The following HSPA9 variants were observed in gnomAD, a reference collection of about 807,000 sequenced individuals.
HSPA9 encodes stress-70 protein, mitochondrial.
A neutral mutation model predicts 81.5 loss-of-function variants in HSPA9; 28 were observed. That is an observed-to-expected ratio of 0.34 (90% confidence interval 0.25 to 0.47). The LOEUF is 0.47. HSPA9 is among the 20% of genes least tolerant of loss of function. HSPA9 has a pLI of 1.00. For missense variants in HSPA9, 678 were observed against 838.0 expected (o/e 0.81, Z 2.36); for synonymous variants, 293 against 290.4 (o/e 1.01, Z -0.09).
chr5:138,559,140 C>T (rs1258028564), intron 11 of HSPA9: 2 of 204,630 alleles, frequency 9.8e-6, no homozygotes. Flanking sequence ...TCACTTCATA[C>T]TGTCGCCCAG....
chr5:138,555,973 C>A lies in HSPA9; in HGVS notation c.*64G>T. On this transcript the variant is annotated 3_prime_UTR_variant, in exon 17 of 17. Coordinates refer to ENST00000297185, the MANE Select transcript of HSPA9 (RefSeq NM_004134.7). ...AGACTGAAGTTCGCCCATTTCTGCT[C>A]AGGAAGTCTCTTCACTCCTAAGCTT... 1 of 1,157,026 alleles carries A rather than the reference C, an allele frequency of 8.6e-7. No homozygotes were observed. The highest frequency in any genetic ancestry group is 1.2e-5 in the South Asian group (1 of 82,008). The allele number at this position is 1,157,026 out of a possible 1,614,324, so 71.7% of individuals were successfully genotyped here. A position where few individuals can be genotyped will look rare whatever the true frequency, so the allele number is the denominator to read the frequency against.
chr5:138,564,057 G>T (rs1750710745), intron 9 of HSPA9, among the ~76,000 whole-genome samples: 1 of 152,044 alleles, frequency 6.6e-6, no homozygotes, highest in Non-Finnish European at 1.5e-5. Context: ...TTGTTATGCT[G>T]AACACCTCTC....
intron 4 of HSPA9, among the ~76,000 whole-genome samples, chr5:138,570,480 A>G (rs552526338): frequency 1.3e-5 from 2 of 152,296 alleles, no homozygotes; most frequent in Admixed American, 6.5e-5. Context: ...CCTAATCTGT[A>G]AAGACAAAAA....
At chr5:138,572,811 A>G (rs1356267819) in intron 3 of HSPA9, among the ~76,000 whole-genome samples, 1 of 152,170 alleles carries the variant, frequency 6.6e-6, no homozygotes, top group Non-Finnish European at 1.5e-5. Context: ...CAACCCCCCA[A>G]AAAACTTAGA....
intron 7 of HSPA9, 104 bp from the exon 8 acceptor site, chr5:138,567,267 T>C: frequency 9.2e-7 from 1 of 1,085,470 alleles, no homozygotes; most frequent in South Asian, 1.4e-5. Context: ...CTAAGCTATT[T>C]CCCTGAGATA....
chr5:138,570,841 GA>G, intron 4 of HSPA9, 118 bp downstream of exon 4: 2 of 940,290 alleles, frequency 2.1e-6, no homozygotes, highest in Non-Finnish European at 3.5e-6. Flanking sequence ...TTCCCCTAGG[GA>G]CAATAAGTAA....
intron 3 of HSPA9, 131 bp downstream of exon 3, chr5:138,573,632 G>C: frequency 1.7e-6 from 1 of 587,396 alleles, no homozygotes. Context: ...GGGCTATAGA[G>C]ACTGTCTCCA....
chr5:138,571,120 C>T lies in HSPA9; in HGVS notation c.250G>A (p.Ala84Thr). ...QAKVLENAEGARTTPSVVAFT... is the reference protein window; with the variant it reads ...QAKVLENAEGTRTTPSVVAFT... ...GCCACAACTGAAGGGGTGGTTCTGG[C>T]ACCTTCGGCATTCTCCAGCACCTAA... Residue 84 changes from alanine (A) to threonine (T), a missense_variant, in exon 4 of 17, where the codon GCC (alanine) becomes ACC (threonine). Physicochemically the swap from Ala to Thr is moderately conservative, Grantham distance 58 (BLOSUM62 0). Coordinates refer to ENST00000297185, the MANE Select transcript of HSPA9 (RefSeq NM_004134.7). The T allele has an allele frequency of 6.2e-7, 1 of 1,613,902 alleles. No homozygotes were observed. Among genetic ancestry groups the T allele is most frequent in the Non-Finnish European group, 8.5e-7 (1 of 1,179,996 alleles).
In HSPA9 at chr5:138,556,866, C is replaced by T. The variant is rs905439101; in HGVS notation, c.1729G>A (p.Glu577Lys). The T allele has an allele frequency of 3.1e-6, 5 of 1,610,678 alleles. No individual in the cohort carries two copies. The highest frequency in any genetic ancestry group is 2.7e-5 in the African/African-American group (2 of 74,824). Residue 577 changes from glutamate (E) to lysine (K), a missense_variant and splice_region_variant, in exon 15 of 17, where the codon GAA becomes AAA. Glu to Lys is a moderately conservative substitution (Grantham distance 56). Coordinates refer to ENST00000297185, the MANE Select transcript of HSPA9 (RefSeq NM_004134.7). ...KYAEEDRRKK[E>K]RVEAVNMAEG... ...GCCATATTAACTGCTTCAACTCGTT[C>T]CTTAGAGAAATTAGAAGTTTAAACG...
At chr5:138,568,115 G>A (rs1039609841) in intron 5 of HSPA9, among the ~76,000 whole-genome samples, 11 of 151,658 alleles carry the variant, frequency 7.3e-5, no homozygotes, top group African/African-American at 2.4e-4. Flanking sequence ...AACCTGGGAG[G>A]CGGAGGTTGC....
intron 5 of HSPA9, 50 bp from the exon 6 acceptor site, chr5:138,567,772 T>C (rs1474068730): frequency 7.5e-6 from 10 of 1,333,402 alleles, no homozygotes; most frequent in Non-Finnish European, 1.1e-5. Context: ...ACAGAATTAT[T>C]AATATAGCCC....
At chr5:138,572,294 TAG>T (rs1038104360) in intron 3 of HSPA9, among the ~76,000 whole-genome samples, 1 of 150,712 alleles carries the variant, frequency 6.6e-6, no homozygotes, top group Non-Finnish European at 1.5e-5. Context: ...TGAACCTTTG[TAG>T]TGCTGATAAT....
intron 3 of HSPA9, 148 bp from the exon 4 acceptor site, chr5:138,571,289 T>C: frequency 1.3e-6 from 1 of 794,186 alleles, no homozygotes; most frequent in South Asian, 1.5e-5. Flanking sequence ...CAAGCGATTC[T>C]TCTGTCTCAG....
intron 16 of HSPA9, 40 bp from the exon 17 acceptor site, chr5:138,556,154 T>C: frequency 1.3e-6 from 2 of 1,522,946 alleles, no homozygotes; most frequent in Non-Finnish European, 1.8e-6. Context: ...GATTTAACGT[T>C]AGAGCTAACC....
intron 10 of HSPA9, 107 bp from the exon 11 acceptor site, chr5:138,560,198 A>C: frequency 1.3e-6 from 1 of 775,974 alleles, no homozygotes; most frequent in Non-Finnish European, 2.2e-6. Context: ...AAGACAGGCT[A>C]ACTCAAATCT....
At chr5:138,561,486 C>T (rs1750660186) in intron 10 of HSPA9, 94 bp downstream of exon 10, 2 of 938,862 alleles carry the variant, frequency 2.1e-6, no homozygotes, top group Non-Finnish European at 1.7e-6. Context: ...TTAGGTCACC[C>T]CAGCAGAATG....
intron 5 of HSPA9, among the ~76,000 whole-genome samples, chr5:138,568,339 T>C (rs767989155): frequency 5.9e-5 from 9 of 151,370 alleles, no homozygotes; most frequent in Non-Finnish European, 1.3e-4. Context: ...ATCTCTTTAC[T>C]AAAAACACAA....
intron 14 of HSPA9, chr5:138,557,134 G>A: frequency 1.7e-6 from 1 of 600,298 alleles, no homozygotes; most frequent in Non-Finnish European, 3.0e-6. Context: ...AGGAAGAATA[G>A]ATTATCTTAG....
chr5:138,573,949 A>G, intron 2 of HSPA9, 99 bp from the exon 3 acceptor site: 1 of 1,248,008 alleles, frequency 8.0e-7, no homozygotes, highest in South Asian at 1.2e-5. Flanking sequence ...GTGGTATACT[A>G]CATAATCTCT....
Sources: gnomAD v4.1 joint callset for allele counts (sites outside exome capture counted in the v4.1 genomes callset) on GRCh38, gnomAD v4.1.1 for gene constraint, MANE v1.5 for transcripts, NCBI Gene and HGNC (gene_info 2026-07-23, HGNC 2026-07-21) for gene names.